Variants in UMAD1 observed in about 807,000 individuals in gnomAD.
The protein encoded by UMAD1 is UBAP1-MVB12-associated (UMA) domain containing 1, also known as UBAP1-MVB12-associated (UMA)-domain containing protein 1.
UMAD1 carries 8 observed loss-of-function variants against 6.1 expected under a neutral mutation model. The observed-to-expected ratio is 1.30, with a 90% CI of 0.76 to 2.35. The LOEUF is 2.35. Ranked by LOEUF, UMAD1 falls within the 30% of genes most tolerant of loss-of-function variation. The pLI, the probability that UMAD1 is intolerant of heterozygous loss-of-function variation, is 0.00. For missense variants in UMAD1, 130 were observed against 78.4 expected, an observed-to-expected ratio of 1.66 and a Z score of -2.49; for synonymous variants, 56 against 31.4, an observed-to-expected ratio of 1.78 and a Z score of -2.61.
At chr7:7,765,098 T>A (rs981622244) in intron 2 of UMAD1, among the ~76,000 whole-genome samples, 6 of 152,200 alleles carry the variant, frequency 3.9e-5, no homozygotes, top group African/African-American at 1.4e-4. Flanking sequence ...TTTTTAGTCT[T>A]CCCTTCCCAA....
Position 7,679,711 on chromosome 7 carries a change from AATATAT to A in UMAD1, c.82+6274_82+6279del, listed in dbSNP as rs372324513. Among the ~76,000 whole-genome samples the A allele has an allele frequency of 2.3e-5, 3 of 128,434 alleles. 1 individual carries two copies. Among genetic ancestry groups the A allele is most frequent in the African/African-American group, 9.5e-5 (3 of 31,632 alleles). The allele number at this position is 128,434 out of a possible 152,430, so 84.3% of individuals were successfully genotyped here. On this transcript the variant is annotated intron_variant, in intron 2 of 3. Transcript: ENST00000682710. ...TATTTATATATTTAATTTATAGATA[AATATAT>A]ATATATATATATATACACACACACA...
At chr7:7,826,796 C>T (rs1436598551) in intron 3 of UMAD1, among the ~76,000 whole-genome samples, 3 of 152,062 alleles carry the variant, frequency 2.0e-5, no homozygotes, top group Non-Finnish European at 2.9e-5. Context: ...TAGCTAGGCA[C>T]ATTGCCACCC....
At chr7:7,669,308 A>C (rs1779548119) in intron 1 of UMAD1, among the ~76,000 whole-genome samples, 2 of 152,130 alleles carry the variant, frequency 1.3e-5, no homozygotes, top group African/African-American at 4.8e-5. Flanking sequence ...TGTTAGTGGC[A>C]TTTGTAGTTA....
chr7:7,827,177 G>GTGTGTGTGTGTGTA (rs34214373), intron 3 of UMAD1, among the ~76,000 whole-genome samples: 1,669 of 146,406 alleles, frequency 0.011, 59 homozygotes, highest in African/African-American at 0.042. Flanking sequence ...GTGTGTGTGT[G>GTGTGTGTGTGTGTA]TATCACATGA....
At chr7:7,701,437 C>G (rs544183020) in intron 2 of UMAD1, among the ~76,000 whole-genome samples, 103 of 152,264 alleles carry the variant, frequency 6.8e-4, no homozygotes, top group African/African-American at 2.5e-3. Context: ...CTGGAACTGT[C>G]CTGCTCAACT....
Position 7,700,369 on chromosome 7 carries a change from G to C in UMAD1, c.82+26916G>C, listed in dbSNP as rs1023833634. ...TATGAGGGGTAGGATTTCATTTCAT[G>C]AATTTTGAGGGAACACAAATATTCA... On this transcript the variant is annotated intron_variant, in intron 2 of 3. Coordinates refer to ENST00000682710, the MANE Select transcript of UMAD1 (RefSeq NM_001302348.2). Among the ~76,000 whole-genome samples the C allele has an allele frequency of 4.1e-4, 62 of 152,156 alleles. 1 individual carries two copies. Among genetic ancestry groups the C allele is most frequent in the Admixed American group, 3.9e-3 (60 of 15,268 alleles).
At chr7:7,697,835 G>A (rs1031240223) in intron 2 of UMAD1, among the ~76,000 whole-genome samples, 10 of 152,094 alleles carry the variant, frequency 6.6e-5, no homozygotes, top group South Asian at 2.1e-4. Context: ...AATTTGAGAC[G>A]TATAAATCAG....
At chr7:7,668,164 C>T (rs540732736) in intron 1 of UMAD1, among the ~76,000 whole-genome samples, 5 of 152,144 alleles carry the variant, frequency 3.3e-5, no homozygotes, top group East Asian at 3.9e-4. Flanking sequence ...TTGCCTGCCT[C>T]GGTCTCCCAA....
chr7:7,728,561 T>C (rs1209963382), intron 2 of UMAD1, among the ~76,000 whole-genome samples: 1 of 151,828 alleles, frequency 6.6e-6, no homozygotes, highest in East Asian at 1.9e-4. Context: ...GGAGAATCAC[T>C]TGAACCCGGG....
chr7:7,656,811 A>G (rs957888713), intron 1 of UMAD1, among the ~76,000 whole-genome samples: 1 of 152,194 alleles, frequency 6.6e-6, no homozygotes, highest in Non-Finnish European at 1.5e-5. Context: ...ATGATTTATA[A>G]TCCTTTGGGT....
At chr7:7,791,190 A>G (rs1782561893) in intron 2 of UMAD1, among the ~76,000 whole-genome samples, 1 of 152,200 alleles carries the variant, frequency 6.6e-6, no homozygotes, top group Admixed American at 6.5e-5. Context: ...GCCCAGCTGG[A>G]GCATATTTTA....
chr7:7,859,181 G>C (rs141389105), intron 3 of UMAD1, among the ~76,000 whole-genome samples: 20 of 152,212 alleles, frequency 1.3e-4, no homozygotes, highest in African/African-American at 4.1e-4. Flanking sequence ...TTCTACATCT[G>C]TGTGTTAGAA....
chr7:7,855,586 G>C lies in UMAD1; in HGVS notation c.157-21695G>C, dbSNP rs149123554. On this transcript the variant is annotated intron_variant, in intron 3 of 3. Transcript: ENST00000682710. ...CCCAAGGCTGCACACAGCAGGGGGG[G>C]CCCTAGACCCAGCCCAGGAAACCGT... is the stretch of plus-strand genomic sequence containing the variant. 1.2e-4 allele frequency among the ~76,000 whole-genome samples: 19 copies of C among 152,302 alleles called. No homozygotes were observed. In the Middle Eastern group the frequency reaches 0.01, roughly 82 times the overall value.
At chr7:7,668,410 G>C (rs1779524714) in intron 1 of UMAD1, among the ~76,000 whole-genome samples, 1 of 152,144 alleles carries the variant, frequency 6.6e-6, no homozygotes, top group Non-Finnish European at 1.5e-5. Context: ...GAGAGGGAGA[G>C]AGAGGGGGAC....
Position 7,780,262 on chromosome 7 carries a change from G to T in UMAD1, c.83-21408G>T, listed in dbSNP as rs1782316912. ...CTCCTCATAAACAATTCCTATGAGA[G>T]ACCATAGGGGTATTTCCCCATTTCC... On this transcript the variant is annotated intron_variant, in intron 2 of 3. Coordinates refer to ENST00000682710, the MANE Select transcript of UMAD1 (RefSeq NM_001302348.2). Among the ~76,000 whole-genome samples the T allele has an allele frequency of 4.6e-5, 7 of 152,216 alleles. 1 individual carries two copies. In the South Asian group the frequency reaches 1.5e-3, roughly 32 times the overall value.
At chr7:7,758,432 T>C (rs745653976) in intron 2 of UMAD1, among the ~76,000 whole-genome samples, 4 of 152,158 alleles carry the variant, frequency 2.6e-5, no homozygotes, top group Non-Finnish European at 5.9e-5. Flanking sequence ...TTTTTTTATA[T>C]AATAATTAAG....
chr7:7,809,517 A>G (rs1384693827), intron 3 of UMAD1, among the ~76,000 whole-genome samples: 1 of 152,080 alleles, frequency 6.6e-6, no homozygotes, highest in Non-Finnish European at 1.5e-5. Flanking sequence ...TAATTAACAA[A>G]TCTATCCCCT....
chr7:7,873,592 T>A (rs1481562062), intron 3 of UMAD1, among the ~76,000 whole-genome samples: 1 of 152,216 alleles, frequency 6.6e-6, no homozygotes, highest in Non-Finnish European at 1.5e-5. Flanking sequence ...CTGGTGTTAT[T>A]TTCACATGAA....
intron 3 of UMAD1, among the ~76,000 whole-genome samples, chr7:7,805,029 G>A (rs1227599555): frequency 6.6e-6 from 1 of 151,960 alleles, no homozygotes; most frequent in Non-Finnish European, 1.5e-5. Context: ...TGAAAACACT[G>A]CTGAACGCTC....
Sources: gnomAD v4.1 joint callset for allele counts (sites outside exome capture counted in the v4.1 genomes callset) on GRCh38, gnomAD v4.1.1 for gene constraint, MANE v1.5 for transcripts, NCBI Gene and HGNC (gene_info 2026-07-23, HGNC 2026-07-21) for gene names.